DYRK4: variants seen among roughly 807,000 people sequenced by gnomAD.
The protein encoded by DYRK4 is dual specificity tyrosine-phosphorylation-regulated kinase 4.
Under a neutral mutation model 68.3 loss-of-function variants are expected in DYRK4, and 64 were observed. The observed-to-expected ratio is 0.94, with a 90% CI of 0.77 to 1.15. The LOEUF is 1.15. Among genes scored for constraint, DYRK4 ranks in the 50% most tolerant of loss-of-function variants. The pLI, the probability that DYRK4 is intolerant of heterozygous loss-of-function variation, is 0.00. For synonymous variants in DYRK4, 274 were observed against 289.9 expected, an observed-to-expected ratio of 0.95 and a Z score of 0.56; for missense variants, 740 against 764.7, an observed-to-expected ratio of 0.97 and a Z score of 0.38.
At chr12:4,607,213 A>G in intron 11 of DYRK4, 114 bp from the exon 12 acceptor site, 1 of 1,182,846 alleles carries the variant, frequency 8.5e-7, no homozygotes, top group Admixed American at 1.9e-5. Context: ...TTATTACTTA[A>G]TGCTTTGAAT....
At chr12:4,602,136 A>C in intron 10 of DYRK4, 1 of 606,808 alleles carries the variant, frequency 1.6e-6, no homozygotes, top group Non-Finnish European at 3.1e-6. Flanking sequence ...TCCCTTTTGT[A>C]ATTAAGTTCA....
At chr12:4,575,298 A>ATTGTGT (rs562026104) in intron 2 of DYRK4, among the ~76,000 whole-genome samples, 209 of 144,184 alleles carry the variant, frequency 1.4e-3, no homozygotes, top group Non-Finnish European at 2.3e-3. Flanking sequence ...ACAATAACTT[A>ATTGTGT]CTGTGTGTGT....
intron 2 of DYRK4, among the ~76,000 whole-genome samples, chr12:4,582,478 A>T (rs1944853412): frequency 6.6e-6 from 1 of 152,380 alleles, no homozygotes; most frequent in Admixed American, 6.5e-5. Context: ...GAAATAAAAT[A>T]AAATAAAAAA....
At chr12:4,583,295 A>G (rs925663686) in intron 2 of DYRK4, among the ~76,000 whole-genome samples, 1 of 151,828 alleles carries the variant, frequency 6.6e-6, no homozygotes, top group African/African-American at 2.4e-5. Context: ...CAAACATGGC[A>G]CTGTTCTACA....
intron 2 of DYRK4, among the ~76,000 whole-genome samples, chr12:4,576,630 C>A (rs1015263074): frequency 1.3e-5 from 2 of 152,170 alleles, no homozygotes; most frequent in South Asian, 2.1e-4. Flanking sequence ...GCCTTCCCAC[C>A]AACAATGAAT....
intron 1 of DYRK4, chr12:4,564,583 T>C (rs954202718): frequency 4.6e-5 from 7 of 152,218 alleles, no homozygotes; most frequent in Non-Finnish European, 7.3e-5. Flanking sequence ...TAAAATACTA[T>C]GCAGTGCAGT....
At chr12:4,604,400 G>C (rs1188289444) in intron 10 of DYRK4, among the ~76,000 whole-genome samples, 1 of 152,174 alleles carries the variant, frequency 6.6e-6, no homozygotes, top group Non-Finnish European at 1.5e-5. Context: ...TAACTACCGT[G>C]TTCCATTTCT....
chr12:4,605,108 G>A, intron 11 of DYRK4, 22 bp downstream of exon 11: 1 of 1,605,024 alleles, frequency 6.2e-7, no homozygotes, highest in Non-Finnish European at 8.5e-7. Flanking sequence ...GCTGGCGGTC[G>A]GCTCCCACGG....
intron 6 of DYRK4, 50 bp from the exon 7 acceptor site, chr12:4,596,099 G>A: frequency 1.3e-6 from 2 of 1,595,082 alleles, no homozygotes; most frequent in Middle Eastern, 3.7e-4. Context: ...GTACCAGGAA[G>A]GCCTGGGAGC....
At chr12:4,587,185 A>G (rs2137354918) in intron 2 of DYRK4, among the ~76,000 whole-genome samples, 1 of 152,256 alleles carries the variant, frequency 6.6e-6, no homozygotes, top group South Asian at 2.1e-4. Flanking sequence ...AGTGCTTTCC[A>G]TGCCCTGTGG....
At chr12:4,579,188 C>T (rs1944816876) in intron 2 of DYRK4, among the ~76,000 whole-genome samples, 1 of 152,062 alleles carries the variant, frequency 6.6e-6, no homozygotes. Context: ...GCAGGAGAAT[C>T]ATTTGAACCT....
chr12:4,586,705 T>TACAC (rs527544594), intron 2 of DYRK4, among the ~76,000 whole-genome samples: 2,579 of 77,558 alleles, frequency 0.033, 31 homozygotes, highest in South Asian at 0.056. Flanking sequence ...CTGGGCTGCG[T>TACAC]ACACACACAC....
rs746539217 is a variant in DYRK4, at chr12:4,593,160, C to A, written c.622C>A (p.Leu208Met). 2.5e-6 allele frequency: 4 copies of A among 1,613,442 alleles called. No individual in the cohort carries two copies. The South Asian group carries it at 3.3e-5, about 13-fold the overall frequency. ...TTTTGATGATGAGCATGGCTTCTAT[C>A]TGAAGGTGATGGGGGTGGGGGCCAT... ...TSFDDEHGFY[L>M]KVLHDHIAYR... Residue 208 changes from leucine (L) to methionine (M), a missense_variant, in exon 6 of 15, where the codon CTG (leucine) becomes ATG (methionine). By Grantham distance (15) the Leu-to-Met change is conservative. Transcript: ENST00000543431.
intron 2 of DYRK4, among the ~76,000 whole-genome samples, chr12:4,586,729 C>CACACACACACACACACACACAG (rs368783190): frequency 9.8e-5 from 11 of 112,362 alleles, no homozygotes; most frequent in African/African-American, 3.1e-4. Flanking sequence ...CACACACACA[C>CACACACACACACACACACACAG]ACAGACACAC....
chr12:4,612,636 G>A lies in DYRK4; in HGVS notation c.1584G>A (p.Gln528=). The A allele has an allele frequency of 1.2e-6, 2 of 1,614,150 alleles. No individual in the cohort carries two copies. Among genetic ancestry groups the A allele is most frequent in the South Asian group, 1.1e-5 (1 of 91,084 alleles). The change falls in exon 14 of 15, where the codon CAG becomes CAA. Residue 528 remains glutamine, a synonymous_variant. Coordinates refer to ENST00000543431, the MANE Select transcript of DYRK4 (RefSeq NM_001394779.1). ...SRNLKPQPRP[Q]TLRKSNSFFP... ...ACCTCAAGCCACAGCCCAGGCCCCA[G>A]ACCCTGAGGAAATCCAATTCCTTTT... is the stretch of plus-strand genomic sequence containing the variant.
intron 2 of DYRK4, among the ~76,000 whole-genome samples, chr12:4,584,177 G>A (rs1404027474): frequency 6.6e-6 from 1 of 152,222 alleles, no homozygotes; most frequent in Admixed American, 6.5e-5. Context: ...AAATCTGCCT[G>A]CACAGAACTC....
intron 2 of DYRK4, among the ~76,000 whole-genome samples, chr12:4,569,159 G>A (rs574282430): frequency 8.6e-4 from 131 of 152,280 alleles, no homozygotes; most frequent in African/African-American, 3.0e-3. Context: ...CTAATACAAA[G>A]TCCTTTGCTC....
chr12:4,606,706 C>T (rs949724286), intron 11 of DYRK4, among the ~76,000 whole-genome samples: 12 of 152,188 alleles, frequency 7.9e-5, no homozygotes, highest in African/African-American at 2.9e-4. Flanking sequence ...CCTACAGCCC[C>T]AGAACTGACT....
intron 13 of DYRK4, among the ~76,000 whole-genome samples, chr12:4,611,919 T>C (rs1370963349): frequency 2.0e-5 from 3 of 152,224 alleles, no homozygotes; most frequent in Non-Finnish European, 1.5e-5. Context: ...GGGTAAAAGT[T>C]ACTGGGAAGC....
Sources: gnomAD v4.1 joint callset for allele counts (sites outside exome capture counted in the v4.1 genomes callset) on GRCh38, gnomAD v4.1.1 for gene constraint, MANE v1.5 for transcripts, NCBI Gene and HGNC (gene_info 2026-07-23, HGNC 2026-07-21) for gene names.